DGKB: variants seen among roughly 807,000 people sequenced by gnomAD.
DGKB encodes diacylglycerol kinase beta.
A neutral mutation model predicts 114.3 loss-of-function variants in DGKB; 67 were observed. The ratio of observed to expected loss-of-function variants is 0.59; its 90% CI spans 0.48 to 0.72. The LOEUF is 0.72. Among genes scored for constraint, DGKB ranks in the 30% least tolerant of loss-of-function variants. DGKB has a pLI of 0.00. For synonymous variants in DGKB, 398 were observed against 323.1 expected (o/e 1.23, Z -2.49); for missense variants, 907 against 975.2 (o/e 0.93, Z 0.93).
intron 21 of DGKB, among the ~76,000 whole-genome samples, chr7:14,364,250 A>G (rs1243679203): frequency 1.3e-5 from 2 of 152,086 alleles, no homozygotes; most frequent in African/African-American, 4.8e-5. Flanking sequence ...CAGACATAGC[A>G]ATGAACAACC....
chr7:14,481,690 T>C (rs1281180825), intron 20 of DGKB, among the ~76,000 whole-genome samples: 2 of 151,988 alleles, frequency 1.3e-5, no homozygotes. Context: ...TTGCATACTA[T>C]ATGGGTTTTT....
At chr7:14,201,248 T>C (rs983385674) in intron 23 of DGKB, among the ~76,000 whole-genome samples, 5 of 151,472 alleles carry the variant, frequency 3.3e-5, no homozygotes, top group African/African-American at 1.2e-4. Context: ...TAATCCCAAT[T>C]ATGATGGCAC....
intron 23 of DGKB, among the ~76,000 whole-genome samples, chr7:14,255,947 A>G (rs2128400786): frequency 6.6e-6 from 1 of 152,176 alleles, no homozygotes; most frequent in East Asian, 1.9e-4. Flanking sequence ...TCTGTCCTAT[A>G]TTCTTGACCT....
chr7:14,359,101 G>GATATATAT lies in DGKB; in HGVS notation c.1836-13718_1836-13711dup, dbSNP rs144055630. ...ACAGCATGGTACTGGTACCAAAACAGATATATATATATATATGTATATAGA... is the reference window on the plus strand; with the variant it reads ...ACAGCATGGTACTGGTACCAAAACAGATATATATATATATATATATATATGTATATAGA... On this transcript the variant is annotated intron_variant, in intron 21 of 25. Coordinates refer to ENST00000402815, the MANE Select transcript of DGKB (RefSeq NM_001350709.2). Among the ~76,000 whole-genome samples, 574 of 149,664 alleles carry GATATATAT rather than the reference G, an allele frequency of 3.8e-3. 8 individuals carry two copies. The highest frequency in any genetic ancestry group is 0.013 in the African/African-American group (544 of 40,882).
At chr7:14,520,634 A>AT (rs1789611626) in intron 20 of DGKB, among the ~76,000 whole-genome samples, 1 of 151,606 alleles carries the variant, frequency 6.6e-6, no homozygotes, top group South Asian at 2.1e-4. Context: ...GTTTTCCCAG[A>AT]TTTTTTTCTG....
intron 23 of DGKB, among the ~76,000 whole-genome samples, chr7:14,206,565 TAA>T (rs757664890): frequency 6.6e-6 from 1 of 152,052 alleles, no homozygotes; most frequent in Non-Finnish European, 1.5e-5. Context: ...TAAATCATGT[TAA>T]AGAGTTTGAA....
chr7:14,384,827 G>A (rs1392642486), intron 21 of DGKB, among the ~76,000 whole-genome samples: 1 of 152,122 alleles, frequency 6.6e-6, no homozygotes, highest in African/African-American at 2.4e-5. Context: ...ATAGGCAGAG[G>A]CCAGGGGTGC....
chr7:14,150,113 G>A (rs1297202472), intron 25 of DGKB, among the ~76,000 whole-genome samples: 5 of 152,140 alleles, frequency 3.3e-5, no homozygotes, highest in African/African-American at 1.2e-4. Context: ...TTCTCATTAT[G>A]TAATAAAAAG....
chr7:14,429,349 GAGA>G (rs989552586), intron 21 of DGKB, among the ~76,000 whole-genome samples: 2 of 152,086 alleles, frequency 1.3e-5, no homozygotes, highest in East Asian at 3.9e-4. Flanking sequence ...AGGATACAAG[GAGA>G]AGATGTACAT....
chr7:14,318,752 A>C (rs994205425), intron 23 of DGKB, among the ~76,000 whole-genome samples: 2 of 152,160 alleles, frequency 1.3e-5, no homozygotes, highest in African/African-American at 4.8e-5. Flanking sequence ...ATCTAGAACT[A>C]GAAATACCAT....
chr7:14,458,194 T>C (rs2128861653), intron 21 of DGKB, among the ~76,000 whole-genome samples: 1 of 152,336 alleles, frequency 6.6e-6, no homozygotes, highest in East Asian at 1.9e-4. Context: ...AATATTTATG[T>C]GAGGATCACA....
At chr7:14,552,900 A>T (rs1367577806) in intron 20 of DGKB, among the ~76,000 whole-genome samples, 2 of 152,216 alleles carry the variant, frequency 1.3e-5, no homozygotes, top group African/African-American at 4.8e-5. Flanking sequence ...GTTGTTATGG[A>T]CCGGGAAAGC....
At chr7:14,733,770 AAAGAAAGG>A (rs1464107549) in intron 5 of DGKB, among the ~76,000 whole-genome samples, 33 of 147,544 alleles carry the variant, frequency 2.2e-4, no homozygotes, top group Admixed American at 8.1e-4. Flanking sequence ...AGAAAGAAAG[AAAGAAAGG>A]AAGAAAGAAA....
chr7:14,647,930 T>C (rs1325486476), intron 13 of DGKB, among the ~76,000 whole-genome samples: 10 of 152,202 alleles, frequency 6.6e-5, no homozygotes, highest in Admixed American at 5.2e-4. Flanking sequence ...TACTGTGCTT[T>C]TCTGACGGGC....
chr7:14,313,904 A>T (rs1230950181), intron 23 of DGKB, among the ~76,000 whole-genome samples: 1 of 152,218 alleles, frequency 6.6e-6, no homozygotes, highest in Non-Finnish European at 1.5e-5. Context: ...TGAAGAGAGC[A>T]GTGGTTCTCC....
rs62444603 is a variant in DGKB, at chr7:14,388,768, C to A, written c.1836-43377G>T. ...AAAGAAGACTGACAACTCTCCCAAGCAGCACCATTTCCAAAAACATTTACA... is the reference window on the plus strand; with the variant it reads ...AAAGAAGACTGACAACTCTCCCAAGAAGCACCATTTCCAAAAACATTTACA... On this transcript the variant is annotated intron_variant, in intron 21 of 25. Coordinates refer to ENST00000402815, the MANE Select transcript of DGKB (RefSeq NM_001350709.2). Among the ~76,000 whole-genome samples, 775 of 152,272 alleles carry A rather than the reference C, an allele frequency of 5.1e-3. 5 individuals carry two copies. The highest frequency in any genetic ancestry group is 0.017 in the Middle Eastern group (5 of 294).
intron 23 of DGKB, among the ~76,000 whole-genome samples, chr7:14,181,276 G>C (rs966041380): frequency 2.0e-5 from 3 of 152,110 alleles, no homozygotes; most frequent in Non-Finnish European, 2.9e-5. Flanking sequence ...CTATGCTTTA[G>C]AGAAACATGA....
At chr7:14,184,019 C>T (rs963426820) in intron 23 of DGKB, among the ~76,000 whole-genome samples, 2 of 152,176 alleles carry the variant, frequency 1.3e-5, no homozygotes, top group Non-Finnish European at 2.9e-5. Context: ...CACATGCCCC[C>T]ACTAGAGAAG....
chr7:14,458,554 C>T (rs939680105), intron 21 of DGKB, among the ~76,000 whole-genome samples: 42 of 152,042 alleles, frequency 2.8e-4, no homozygotes, highest in African/African-American at 9.4e-4. Flanking sequence ...GAGGGTGAGC[C>T]GAAGCAGGGT....
Sources: allele counts gnomAD v4.1 joint callset (sites outside exome capture counted in the v4.1 genomes callset), GRCh38; gene constraint gnomAD v4.1.1; transcripts MANE v1.5; gene names NCBI Gene and HGNC (gene_info 2026-07-23, HGNC 2026-07-21).